SMAD9: variants seen among roughly 807,000 people sequenced by gnomAD.
SMAD9 encodes SMAD family member 9, also known as MAD homolog 9.
In SMAD9, 36 loss-of-function variants were observed where a neutral mutation model predicts 46.1. That is an observed-to-expected ratio of 0.78 (90% CI 0.60 to 1.03). SMAD9 has a LOEUF of 1.03. Ranked by LOEUF, SMAD9 falls within the 50% of genes least tolerant of loss-of-function variation. The probability of loss-of-function intolerance (pLI) is 0.00; values close to 1 mark genes in which losing one functional copy is unlikely to be tolerated. For missense variants in SMAD9, 572 were observed against 599.8 expected, an observed-to-expected ratio of 0.95 and a Z score of 0.48; for synonymous variants, 245 against 237.1, an observed-to-expected ratio of 1.03 and a Z score of -0.31.
At chr13:36,856,860 T>C (rs1179038003) in intron 5 of SMAD9, among the ~76,000 whole-genome samples, 3 of 136,038 alleles carry the variant, frequency 2.2e-5, no homozygotes, top group Non-Finnish European at 3.0e-5. Flanking sequence ...GGAGATGGGG[T>C]GGCGCGATCT....
intron 2 of SMAD9, among the ~76,000 whole-genome samples, chr13:36,874,235 A>T (rs781734543): frequency 6.6e-6 from 1 of 152,356 alleles, no homozygotes; most frequent in East Asian, 1.9e-4. Context: ...AGAGCCACAG[A>T]GTGTGCAGAG....
At chr13:36,875,228 A>C (rs147420121) in intron 2 of SMAD9, among the ~76,000 whole-genome samples, 3 of 152,298 alleles carry the variant, frequency 2.0e-5, no homozygotes, top group Non-Finnish European at 2.9e-5. Flanking sequence ...AAAAAAGGTA[A>C]ATGTTTTGGA....
chr13:36,862,483 G>C (rs373646079), intron 5 of SMAD9, among the ~76,000 whole-genome samples: 6 of 38,644 alleles, frequency 1.6e-4, no homozygotes, highest in South Asian at 6.4e-4. Context: ...TTCCATGGCC[G>C]TGCCCAGGTT....
At chr13:36,901,473 G>A (rs1224559694) in intron 1 of SMAD9, among the ~76,000 whole-genome samples, 2 of 150,398 alleles carry the variant, frequency 1.3e-5, no homozygotes, top group Non-Finnish European at 3.0e-5. Context: ...TGTCACCCAG[G>A]CTGGAGTGCA....
chr13:36,863,745 C>T lies in SMAD9; in HGVS notation c.1003+1792G>A, dbSNP rs530569776. Among the ~76,000 whole-genome samples, 12 of 152,296 alleles carry T rather than the reference C, an allele frequency of 7.9e-5. No homozygotes were observed. In the South Asian group the frequency reaches 2.1e-3, roughly 26 times the overall value. ...TTTCTGTCTCTTCCCAGGTGACACA[C>T]AGGCTCTCCTTTGCCTTACACAGTG... On this transcript the variant is annotated intron_variant, in intron 5 of 6. Transcript: ENST00000379826.
At chr13:36,853,762 C>G in intron 5 of SMAD9, 87 bp from the exon 6 acceptor site, 1 of 1,374,676 alleles carries the variant, frequency 7.3e-7, no homozygotes, top group Non-Finnish European at 1.0e-6. Flanking sequence ...GGAGATGTGA[C>G]TCTCCCATCA....
At chr13:36,914,524 A>G (rs1483928339) in intron 1 of SMAD9, among the ~76,000 whole-genome samples, 2 of 152,014 alleles carry the variant, frequency 1.3e-5, no homozygotes, top group African/African-American at 2.4e-5. Context: ...ATCTCAAAAA[A>G]CAAAAACAAA....
At chr13:36,854,021 T>C (rs529665186) in intron 5 of SMAD9, among the ~76,000 whole-genome samples, 8 of 152,180 alleles carry the variant, frequency 5.3e-5, no homozygotes, top group African/African-American at 1.9e-4. Flanking sequence ...TAACCAGGCA[T>C]GGTGGTGGGC....
chr13:36,856,947 C>G (rs899353586), intron 5 of SMAD9, among the ~76,000 whole-genome samples: 2 of 151,816 alleles, frequency 1.3e-5, no homozygotes, highest in Non-Finnish European at 2.9e-5. Context: ...GGATTACAGG[C>G]GCCTGCCACC....
chr13:36,867,204 G>T, intron 4 of SMAD9, 69 bp downstream of exon 4: 1 of 1,051,156 alleles, frequency 9.5e-7, no homozygotes, highest in Non-Finnish European at 1.4e-6. Context: ...TTTTTGAGTT[G>T]CTTTGTTTGG....
chr13:36,917,353 G>C (rs570431719), intron 1 of SMAD9, among the ~76,000 whole-genome samples: 1 of 151,338 alleles, frequency 6.6e-6, no homozygotes, highest in East Asian at 1.9e-4. Flanking sequence ...GAAACATTGT[G>C]AAAATGCTCA....
In SMAD9 at chr13:36,911,615, T is replaced by TGGGGGG. The variant is rs11322701; in HGVS notation, c.-187+8495_-187+8500dup. On this transcript the variant is annotated intron_variant, in intron 1 of 6. Transcript: ENST00000379826. ...GGCTGTTTCCCGGCCAAAGGCTGCCTGGGGGGGGGGGGGGCGGGTGGAGTT... is the reference window on the plus strand; with the variant it reads ...GGCTGTTTCCCGGCCAAAGGCTGCCTGGGGGGGGGGGGGGGGGGGGCGGGTGGAGTT... Among the ~76,000 whole-genome samples the TGGGGGG allele has an allele frequency of 1.6e-3, 138 of 84,406 alleles. 1 individual carries two copies. Among genetic ancestry groups the TGGGGGG allele is most frequent in the Non-Finnish European group, 2.9e-3 (103 of 35,478 alleles). 55.4% of individuals were successfully genotyped at this position (84,406 alleles called of 152,430 possible). A position where few individuals can be genotyped will look rare whatever the true frequency, so the allele number is the denominator to read the frequency against.
In SMAD9 at chr13:36,879,495, G is replaced by A. The variant is rs747436368; in HGVS notation, c.195C>T (p.Pro65=). ...LERALSCPGQ[P]SKCVTIPRSL... The stretch of plus-strand genomic sequence containing the variant: ...AGCGGGGAATCGTGACGCATTTGCT[G>A]GGCTGCCCCGGGCAGCTGAGAGCCC... The change falls in exon 2 of 7, where the codon CCC becomes CCT. Residue 65 remains proline (P), a synonymous_variant. Transcript: ENST00000379826. The A allele has an allele frequency of 6.2e-7, 1 of 1,613,998 alleles. No homozygotes were observed. The highest frequency in any genetic ancestry group is 1.3e-5 in the African/African-American group (1 of 75,054).
intron 1 of SMAD9, among the ~76,000 whole-genome samples, chr13:36,893,437 T>A (rs1057393871): frequency 6.8e-6 from 1 of 147,150 alleles, no homozygotes; most frequent in African/African-American, 2.5e-5. Flanking sequence ...TAAATATAAA[T>A]ATAAATATAT....
chr13:36,890,820 C>A (rs935525383), intron 1 of SMAD9, among the ~76,000 whole-genome samples: 3 of 151,884 alleles, frequency 2.0e-5, no homozygotes, highest in African/African-American at 4.8e-5. Context: ...CCTCTCCACA[C>A]CCCCATGACC....
chr13:36,864,707 T>C (rs1253847702), intron 5 of SMAD9, among the ~76,000 whole-genome samples: 1 of 152,168 alleles, frequency 6.6e-6, no homozygotes, highest in Non-Finnish European at 1.5e-5. Flanking sequence ...GGAGACATTT[T>C]GAAGGTATGT....
Position 36,879,806 on chromosome 13 carries a change from G to A in SMAD9, c.-117C>T. On this transcript the variant is annotated 5_prime_UTR_variant, in exon 2 of 7. Coordinates refer to ENST00000379826, the MANE Select transcript of SMAD9 (RefSeq NM_001127217.3). ...GACCAACCCGCCCGTTCTTCTGGGA[G>A]CAGCTGGGACCAATTCAAGTTGCGA... 2 of 1,156,280 alleles carry A rather than the reference G, an allele frequency of 1.7e-6. No individual in the cohort carries two copies. The highest frequency in any genetic ancestry group is 1.3e-5 in the South Asian group (1 of 76,532). The allele number at this position is 1,156,280 out of a possible 1,614,324, so 71.6% of individuals were successfully genotyped here.
chr13:36,896,425 A>G (rs2058529430), intron 1 of SMAD9, among the ~76,000 whole-genome samples: 1 of 152,068 alleles, frequency 6.6e-6, no homozygotes, highest in Non-Finnish European at 1.5e-5. Context: ...GAGACACCAG[A>G]CCCGGCCGAT....
chr13:36,910,525 G>T (rs2058653174), intron 1 of SMAD9, among the ~76,000 whole-genome samples: 2 of 152,176 alleles, frequency 1.3e-5, no homozygotes, highest in Admixed American at 1.3e-4. Flanking sequence ...GGTGGGGGTT[G>T]TGAGTTGACG....
Sources: allele counts gnomAD v4.1 joint callset (sites outside exome capture counted in the v4.1 genomes callset), GRCh38; gene constraint gnomAD v4.1.1; transcripts MANE v1.5; gene names NCBI Gene and HGNC (gene_info 2026-07-23, HGNC 2026-07-21).